The following RAD50 variants were observed in gnomAD, a reference collection of about 807,000 sequenced individuals.
The protein encoded by RAD50 is RAD50 double strand break repair protein.
Under a neutral mutation model 168.8 loss-of-function variants are expected in RAD50, and 132 were observed. The observed-to-expected ratio is 0.78, with a 90% CI of 0.68 to 0.90. The LOEUF is 0.90. Ranked by LOEUF, RAD50 falls within the 40% of genes least tolerant of loss-of-function variation. The pLI, the probability that RAD50 is intolerant of heterozygous loss-of-function variation, is 0.00. For missense variants in RAD50, 1,347 were observed against 1,534.4 expected, an observed-to-expected ratio of 0.88 and a Z score of 2.04; for synonymous variants, 525 against 497.4, an observed-to-expected ratio of 1.06 and a Z score of -0.74.
intron 21 of RAD50, among the ~76,000 whole-genome samples, chr5:132,619,176 C>G (rs1751230554): frequency 6.6e-6 from 1 of 152,120 alleles, no homozygotes; most frequent in South Asian, 2.1e-4. Context: ...CTTGTCATGT[C>G]TTCTGGAGGA....
chr5:132,642,065 G>C, intron 24 of RAD50, 113 bp from the exon 25 acceptor site: 4 of 1,154,364 alleles, frequency 3.5e-6, no homozygotes, highest in Non-Finnish European at 5.1e-6. Flanking sequence ...GGGTAGCTGG[G>C]GCCCTGACAC....
chr5:132,627,900 A>G (rs1194830279), intron 21 of RAD50, among the ~76,000 whole-genome samples: 1 of 152,168 alleles, frequency 6.6e-6, no homozygotes, highest in East Asian at 1.9e-4. Flanking sequence ...TAGCAGTGAA[A>G]ATGGAGAGAA....
At chr5:132,597,483 C>T (rs1476153515) in intron 13 of RAD50, among the ~76,000 whole-genome samples, 1 of 152,180 alleles carries the variant, frequency 6.6e-6, no homozygotes, top group African/African-American at 2.4e-5. Flanking sequence ...CCCCACTCCT[C>T]CCCTCTCTCA....
rs2149869191 is a variant in RAD50 at position 132,645,910 on chromosome 5, TC to T, written c.*3549del. The T allele has an allele frequency of 6.6e-6, 1 of 152,148 alleles. No individual in the cohort carries two copies. The highest frequency in any genetic ancestry group is 1.9e-4 in the East Asian group (1 of 5,184). 9.4% of individuals were successfully genotyped at this position (152,148 alleles called of 1,614,324 possible). ...AGAAAGTCTGAGCAACATAGTGACA[TC>T]CCATCTTTACATAAAATTTTTAAAA... is the stretch of plus-strand genomic sequence containing the variant. On this transcript the variant is annotated 3_prime_UTR_variant, in exon 25 of 25. Coordinates refer to ENST00000378823, the MANE Select transcript of RAD50 (RefSeq NM_005732.4).
intron 19 of RAD50, 21 bp downstream of exon 19, chr5:132,609,417 A>T (rs1349183388): frequency 6.2e-7 from 1 of 1,612,704 alleles, no homozygotes; most frequent in African/African-American, 1.3e-5. Context: ...TTTGCTTATG[A>T]TATCACTTAC....
chr5:132,640,930 T>C (rs1751707648), intron 24 of RAD50, 125 bp downstream of exon 24: 1 of 1,501,060 alleles, frequency 6.7e-7, no homozygotes, highest in Non-Finnish European at 9.2e-7. Context: ...TCCCCACTTC[T>C]TGGGGAAGCC....
At chr5:132,604,725 C>A in intron 15 of RAD50, 81 bp from the exon 16 acceptor site, 2 of 1,197,294 alleles carry the variant, frequency 1.7e-6, no homozygotes, top group Non-Finnish European at 2.4e-6. Flanking sequence ...ATTCCATAGA[C>A]CGATAAAAAT....
rs2149843811 is a variant in RAD50 at position 132,595,061 on chromosome 5, A to G, written c.1969+17A>G. 2 of 1,596,790 alleles carry G rather than the reference A, an allele frequency of 1.3e-6. No homozygotes were observed. Among genetic ancestry groups the G allele is most frequent in the Non-Finnish European group, 8.6e-7 (1 of 1,165,124 alleles). On this transcript the variant is annotated intron_variant, in intron 12 of 24. Coordinates refer to ENST00000378823, the MANE Select transcript of RAD50 (RefSeq NM_005732.4). ...AACAGCGAGGTAAGTTGTCTACTTT[A>G]TATTATCAGGATACTTTGACACCTT...
At chr5:132,602,907 C>G (rs995653685) in intron 13 of RAD50, among the ~76,000 whole-genome samples, 1 of 152,096 alleles carries the variant, frequency 6.6e-6, no homozygotes, top group Non-Finnish European at 1.5e-5. Flanking sequence ...ATGACCAGTT[C>G]ATTAGTAGAA....
chr5:132,583,731 T>C (rs546279890), intron 5 of RAD50, among the ~76,000 whole-genome samples: 31 of 150,894 alleles, frequency 2.1e-4, no homozygotes, highest in African/African-American at 7.1e-4. Context: ...TTCACTCTTA[T>C]TGCCCAGGCT....
rs876659018 is a variant in RAD50 at position 132,588,864 on chromosome 5, C to T, written c.1229C>T (p.Thr410Ile). ...GAGAGACAAGAAGGGGAAGCAAAAA[C>T]TGCCAACCAACTGATGGCAAGTATT... ...VRERQEGEAK[T>I]ANQLMNDFAE... Residue 410 changes from threonine (T) to isoleucine (I), a missense_variant, in exon 8 of 25, where the codon ACT (threonine) becomes ATT (isoleucine). Transcript: ENST00000378823. 7 of 1,613,100 alleles carry T rather than the reference C, an allele frequency of 4.3e-6. No individual in the cohort carries two copies. In the East Asian group the frequency reaches 1.6e-4, roughly 36 times the overall value.
intron 19 of RAD50, among the ~76,000 whole-genome samples, chr5:132,611,975 T>TTTCTAA (rs1330570509): frequency 6.6e-6 from 1 of 152,230 alleles, no homozygotes. Flanking sequence ...GGTTCTTAGC[T>TTTCTAA]AGGGGCACCT....
At position 132,579,434 on chromosome 5, in the gene RAD50, T is replaced by C. The variant is rs776465728; in HGVS notation, c.483T>C (p.Asp161=). Residue 161 remains aspartate (D), a synonymous_variant, in exon 4 of 25, where the codon GAT becomes GAC. Transcript: ENST00000378823. The part of the protein sequence containing the change: ...LNNVIFCHQE[D]SNWPLSEGKA... ...ATGTCATTTTCTGTCATCAAGAAGA[T>C]TCTAATTGGCCTTTAAGTGAAGGAA... 6.2e-7 allele frequency: 1 copy of C among 1,613,942 alleles called. No homozygotes were observed. The highest frequency in any genetic ancestry group is 1.1e-5 in the South Asian group (1 of 91,072).
At chr5:132,575,432 G>A (rs926453173) in intron 2 of RAD50, among the ~76,000 whole-genome samples, 2 of 152,156 alleles carry the variant, frequency 1.3e-5, no homozygotes, top group African/African-American at 4.8e-5. Flanking sequence ...TGAGATTTGG[G>A]TGGAGACAAA....
At chr5:132,623,703 G>A (rs1751323886) in intron 21 of RAD50, among the ~76,000 whole-genome samples, 1 of 152,110 alleles carries the variant, frequency 6.6e-6, no homozygotes, top group African/African-American at 2.4e-5. Flanking sequence ...CTTAGATTTT[G>A]GTGGTGGTTG....
At position 132,559,330 on chromosome 5, in the gene RAD50, C is replaced by T. The variant is rs876660895; in HGVS notation, c.176C>T (p.Pro59Leu). 6.2e-7 allele frequency: 1 copy of T among 1,608,264 alleles called. No homozygotes were observed. The highest frequency in any genetic ancestry group is 2.2e-5 in the East Asian group (1 of 44,664). Residue 59 changes from proline to leucine, a missense_variant, in exon 2 of 25, where the codon CCT becomes CTT. Pro to Leu is a moderately conservative substitution (Grantham distance 98). This residue lies in a region of RAD50 where 703 missense variants were observed against 767.7 expected (regional missense o/e 0.92). Transcript: ENST00000378823. ...TATATTTGTACTGGAGATTTCCCTCCTGGAACCAAAGGAAATACATTTGTA... is the reference window on the plus strand; with the variant it reads ...TATATTTGTACTGGAGATTTCCCTCTTGGAACCAAAGGAAATACATTTGTA... ...LKYICTGDFP[P>L]GTKGNTFVHD...
chr5:132,643,144 T>G lies in RAD50; in HGVS notation c.*780T>G, dbSNP rs1012137277. 5 of 492,300 alleles carry G rather than the reference T, an allele frequency of 1.0e-5. No individual in the cohort carries two copies. Among genetic ancestry groups the G allele is most frequent in the Non-Finnish European group, 2.1e-5 (5 of 236,784 alleles). 30.5% of individuals were successfully genotyped at this position (492,300 alleles called of 1,614,324 possible). On this transcript the variant is annotated 3_prime_UTR_variant, in exon 25 of 25. Coordinates refer to ENST00000378823, the MANE Select transcript of RAD50 (RefSeq NM_005732.4). ...GTAACACTCCTCTGCGTCTATCCTGTGTAGCATACTGGCTTCACCATCAAT... is the reference window on the plus strand; with the variant it reads ...GTAACACTCCTCTGCGTCTATCCTGGGTAGCATACTGGCTTCACCATCAAT...
At position 132,557,427 on chromosome 5, in the gene RAD50, G is replaced by C. The variant is rs1554096654; in HGVS notation, c.103G>C (p.Val35Leu). ...ITFFSPLTIL[V>L]GPNGAGKTTI... ...TTTCTTCAGCCCCCTTACAATTTTGGTTGGACCCAATGGGGCGGGAAAGAC... is the reference window on the plus strand; with the variant it reads ...TTTCTTCAGCCCCCTTACAATTTTGCTTGGACCCAATGGGGCGGGAAAGAC... Residue 35 changes from valine (V) to leucine (L), a missense_variant, in exon 1 of 25, where the codon GTT becomes CTT. Physicochemically the swap from Val to Leu is conservative, Grantham distance 32. This residue lies in a region of RAD50 where 703 missense variants were observed against 767.7 expected (regional missense o/e 0.92). Coordinates refer to ENST00000378823, the MANE Select transcript of RAD50 (RefSeq NM_005732.4). 3.1e-6 allele frequency: 5 copies of C among 1,614,206 alleles called. No homozygotes were observed. Among genetic ancestry groups the C allele is most frequent in the Middle Eastern group, 3.3e-4 (2 of 6,062 alleles).
intron 2 of RAD50, among the ~76,000 whole-genome samples, chr5:132,566,245 T>C (rs1750206408): frequency 1.3e-5 from 2 of 152,276 alleles, no homozygotes; most frequent in Admixed American, 6.5e-5. Context: ...ATTTACTAAT[T>C]TGATGTTTGC....
Sources: gnomAD v4.1 joint callset for allele counts (sites outside exome capture counted in the v4.1 genomes callset) on GRCh38, gnomAD v4.1.1 for gene constraint, gnomAD v4.1.1 regional missense constraint, MANE v1.5 for transcripts, NCBI Gene and HGNC (gene_info 2026-07-23, HGNC 2026-07-21) for gene names.